Variants in CLDN10 observed in about 807,000 individuals in gnomAD.
The protein encoded by CLDN10 is claudin 10.
In CLDN10, 15 loss-of-function variants were observed where a neutral mutation model predicts 22.9. The observed-to-expected ratio is 0.65, with a 90% CI of 0.44 to 1.01. The LOEUF is 1.01. CLDN10 is among the 50% of genes least tolerant of loss of function. CLDN10 has a pLI of 0.00. For missense variants in CLDN10, 247 were observed against 287.8 expected, an observed-to-expected ratio of 0.86 and a Z score of 1.03; for synonymous variants, 114 against 111.4, an observed-to-expected ratio of 1.02 and a Z score of -0.15.
intron 1 of CLDN10, among the ~76,000 whole-genome samples, chr13:95,519,625 G>T (rs2043204854): frequency 6.6e-6 from 1 of 152,226 alleles, no homozygotes; most frequent in South Asian, 2.1e-4. Flanking sequence ...TCAGTAAGTG[G>T]CAGACACAAA....
chr13:95,545,609 T>A (rs1348470874), intron 1 of CLDN10, among the ~76,000 whole-genome samples: 1 of 152,202 alleles, frequency 6.6e-6, no homozygotes, highest in East Asian at 1.9e-4. Context: ...ATTAGGTAAC[T>A]TTTTTAAGGT....
intron 1 of CLDN10, among the ~76,000 whole-genome samples, chr13:95,529,570 C>A (rs1242748784): frequency 6.6e-6 from 1 of 152,028 alleles, no homozygotes; most frequent in Non-Finnish European, 1.5e-5. Flanking sequence ...AATTTAGTCA[C>A]CTGGCTTTCC....
intron 1 of CLDN10, among the ~76,000 whole-genome samples, chr13:95,527,058 G>A (rs969394453): frequency 5.3e-5 from 8 of 152,024 alleles, no homozygotes; most frequent in Admixed American, 5.3e-4. Flanking sequence ...ACTTCTAATT[G>A]GACTTTCAAC....
At chr13:95,560,507 T>C (rs1319280262) in intron 3 of CLDN10, 44 bp downstream of exon 3, 1 of 1,427,344 alleles carries the variant, frequency 7.0e-7, no homozygotes, top group East Asian at 2.3e-5. Flanking sequence ...AGGAAGTGTA[T>C]ATAAATTAAT....
chr13:95,527,403 A>C (rs2043292494), intron 1 of CLDN10, among the ~76,000 whole-genome samples: 1 of 152,156 alleles, frequency 6.6e-6, no homozygotes, highest in African/African-American at 2.4e-5. Flanking sequence ...CCAGAAGTCC[A>C]CCTTCTTCTC....
chr13:95,539,629 G>A (rs1305411599), intron 1 of CLDN10, among the ~76,000 whole-genome samples: 1 of 152,162 alleles, frequency 6.6e-6, no homozygotes. Flanking sequence ...GTAATAAAAA[G>A]TTAATTACAA....
chr13:95,554,367 C>T (rs549500334), intron 1 of CLDN10, among the ~76,000 whole-genome samples: 1 of 151,986 alleles, frequency 6.6e-6, no homozygotes, highest in Non-Finnish European at 1.5e-5. Flanking sequence ...CAGATAGGTA[C>T]GCTTCCTTCT....
chr13:95,475,779 T>G (rs2042679500), intron 1 of CLDN10, among the ~76,000 whole-genome samples: 1 of 151,408 alleles, frequency 6.6e-6, no homozygotes, highest in African/African-American at 2.4e-5. Context: ...GGGTCGAGGG[T>G]CCCTGCATCT....
At chr13:95,576,222 C>A (rs556253225) in intron 3 of CLDN10, among the ~76,000 whole-genome samples, 1 of 152,276 alleles carries the variant, frequency 6.6e-6, no homozygotes, top group African/African-American at 2.4e-5. Context: ...AGGAACTAAC[C>A]CTGGGCCCTG....
intron 1 of CLDN10, among the ~76,000 whole-genome samples, chr13:95,539,714 T>C (rs2043439268): frequency 6.6e-6 from 1 of 152,014 alleles, no homozygotes; most frequent in South Asian, 2.1e-4. Flanking sequence ...TACATATTCC[T>C]TTTTTTTAGA....
intron 1 of CLDN10, among the ~76,000 whole-genome samples, chr13:95,500,471 G>T (rs2042973691): frequency 6.6e-6 from 1 of 152,174 alleles, no homozygotes; most frequent in Non-Finnish European, 1.5e-5. Context: ...CACTACATTT[G>T]AGGCCAGTGT....
chr13:95,530,570 G>T (rs1302298301), intron 1 of CLDN10, among the ~76,000 whole-genome samples: 3 of 152,172 alleles, frequency 2.0e-5, no homozygotes, highest in African/African-American at 7.2e-5. Context: ...AGGGCAAAGA[G>T]ATCAAATCCC....
intron 1 of CLDN10, among the ~76,000 whole-genome samples, chr13:95,464,241 A>T (rs1298373208): frequency 6.6e-6 from 1 of 151,956 alleles, no homozygotes; most frequent in Non-Finnish European, 1.5e-5. Flanking sequence ...TCCTAATGCT[A>T]TCCCTCCCGC....
chr13:95,566,799 T>A (rs1313837469), intron 3 of CLDN10, among the ~76,000 whole-genome samples: 3 of 152,224 alleles, frequency 2.0e-5, no homozygotes, highest in Non-Finnish European at 4.4e-5. Flanking sequence ...AATTTTTGTA[T>A]AAGGTGTAAG....
rs555801944 is a variant in CLDN10 at position 95,555,143 on chromosome 13, C to A, written c.220+2170C>A. Among the ~76,000 whole-genome samples the A allele has an allele frequency of 3.3e-5, 5 of 151,990 alleles. No homozygotes were observed. In the South Asian group the frequency reaches 1.0e-3, roughly 32 times the overall value. On this transcript the variant is annotated intron_variant, in intron 1 of 4. Coordinates refer to ENST00000299339, the MANE Select transcript of CLDN10 (RefSeq NM_006984.5). Reference sequence around the variant, plus strand: ...TCAGCCGACTGCAACCTCCGCCTCCCAGGTACAAGTGATTCTCCTGTCTCA... The same window carrying A: ...TCAGCCGACTGCAACCTCCGCCTCCAAGGTACAAGTGATTCTCCTGTCTCA...
At chr13:95,509,262 G>A (rs1225941722) in intron 1 of CLDN10, among the ~76,000 whole-genome samples, 3 of 152,194 alleles carry the variant, frequency 2.0e-5, no homozygotes, top group East Asian at 3.9e-4. Context: ...TGTAATGTAG[G>A]AGAAAAGGCA....
At chr13:95,436,529 A>G (rs1462642465) in intron 1 of CLDN10, among the ~76,000 whole-genome samples, 1 of 152,182 alleles carries the variant, frequency 6.6e-6, no homozygotes, top group Non-Finnish European at 1.5e-5. Flanking sequence ...TTGTAAAAAT[A>G]ATTTATTCTA....
chr13:95,490,981 G>A (rs1657133371), intron 1 of CLDN10, among the ~76,000 whole-genome samples: 1 of 152,190 alleles, frequency 6.6e-6, no homozygotes, highest in Non-Finnish European at 1.5e-5. Context: ...ATAGCTTCCT[G>A]TTGAACAAGG....
At chr13:95,503,220 G>A (rs944745865) in intron 1 of CLDN10, among the ~76,000 whole-genome samples, 3 of 152,062 alleles carry the variant, frequency 2.0e-5, no homozygotes, top group Non-Finnish European at 4.4e-5. Flanking sequence ...TTTTCATAGA[G>A]GTGATAATAT....
Sources: allele counts gnomAD v4.1 joint callset (sites outside exome capture counted in the v4.1 genomes callset), GRCh38; gene constraint gnomAD v4.1.1; transcripts MANE v1.5; gene names NCBI Gene and HGNC (gene_info 2026-07-23, HGNC 2026-07-21).